The following SORCS3 variants were observed in gnomAD, a reference collection of about 807,000 sequenced individuals.
SORCS3 encodes sortilin related VPS10 domain containing receptor 3, also known as VPS10 domain-containing receptor SorCS3.
A neutral mutation model predicts 146.3 loss-of-function variants in SORCS3; 57 were observed. That is an observed-to-expected ratio of 0.39 (90% CI 0.31 to 0.49). The LOEUF is 0.49. Ranked by LOEUF, SORCS3 falls within the 20% of genes least tolerant of loss-of-function variation. The pLI, the probability that SORCS3 is intolerant of heterozygous loss-of-function variation, is 0.92. For synonymous variants in SORCS3, 653 were observed against 618.5 expected (o/e 1.06, Z -0.83); for missense variants, 1,341 against 1,575.5 (o/e 0.85, Z 2.52).
chr10:105,032,440 C>G (rs1042096570), intron 4 of SORCS3, among the ~76,000 whole-genome samples: 1 of 152,106 alleles, frequency 6.6e-6, no homozygotes. Context: ...ATATGAGTTT[C>G]TTTCCTTTTT....
At chr10:104,700,133 G>A (rs370935769) in intron 1 of SORCS3, among the ~76,000 whole-genome samples, 2 of 152,170 alleles carry the variant, frequency 1.3e-5, no homozygotes, top group South Asian at 2.1e-4. Flanking sequence ...CTGAGCCATC[G>A]GCATTCTGCT....
chr10:105,139,241 G>C (rs1177237335), intron 7 of SORCS3, among the ~76,000 whole-genome samples, 156 bp from the exon 8 acceptor site: 1 of 152,210 alleles, frequency 6.6e-6, no homozygotes, highest in African/African-American at 2.4e-5. Context: ...GAGCAACTCA[G>C]AGTGCCATGG....
At chr10:104,978,764 C>G (rs147655728) in intron 4 of SORCS3, among the ~76,000 whole-genome samples, 33 of 152,268 alleles carry the variant, frequency 2.2e-4, no homozygotes, top group Non-Finnish European at 4.3e-4. Flanking sequence ...TATGTTAATA[C>G]TACAACCTGA....
intron 14 of SORCS3, among the ~76,000 whole-genome samples, chr10:105,185,997 A>C (rs1167959077): frequency 1.3e-5 from 2 of 152,192 alleles, no homozygotes; most frequent in African/African-American, 4.8e-5. Context: ...TTGTCATGAT[A>C]TAAATATGCA....
chr10:104,977,302 C>T, intron 3 of SORCS3, 33 bp from the exon 4 acceptor site: 1 of 1,528,796 alleles, frequency 6.5e-7, no homozygotes. Context: ...CCTACTAACT[C>T]TGTCTGTATA....
chr10:105,222,502 G>GA (rs2056709965), intron 19 of SORCS3, among the ~76,000 whole-genome samples: 1 of 152,064 alleles, frequency 6.6e-6, no homozygotes, highest in Non-Finnish European at 1.5e-5. Flanking sequence ...TTTTCTGAGG[G>GA]AAAAAATAAG....
At chr10:104,854,806 A>G (rs376258039) in intron 2 of SORCS3, among the ~76,000 whole-genome samples, 2 of 152,210 alleles carry the variant, frequency 1.3e-5, no homozygotes, top group Non-Finnish European at 2.9e-5. Context: ...ATAGGGTCAT[A>G]CAGTATATAA....
chr10:104,937,834 A>G (rs1346576968), intron 3 of SORCS3, among the ~76,000 whole-genome samples: 2 of 152,186 alleles, frequency 1.3e-5, no homozygotes, highest in Non-Finnish European at 2.9e-5. Flanking sequence ...GCACTTCCAA[A>G]TGATGCTTCC....
chr10:105,136,031 A>G (rs1044544290), intron 7 of SORCS3, among the ~76,000 whole-genome samples: 9 of 152,288 alleles, frequency 5.9e-5, no homozygotes, highest in African/African-American at 2.2e-4. Context: ...AAAACTGTTC[A>G]TACACCTATT....
intron 1 of SORCS3, among the ~76,000 whole-genome samples, chr10:104,669,874 C>T (rs967699288): frequency 4.0e-5 from 6 of 151,106 alleles, no homozygotes; most frequent in Non-Finnish European, 7.4e-5. Flanking sequence ...AATTTCTCCA[C>T]GTCCTCACCA....
At chr10:104,719,633 C>A (rs1438766178) in intron 1 of SORCS3, among the ~76,000 whole-genome samples, 1 of 152,110 alleles carries the variant, frequency 6.6e-6, no homozygotes, top group Non-Finnish European at 1.5e-5. Flanking sequence ...TACCTGCCTC[C>A]AGGATTGTTT....
rs555855020 is a variant in SORCS3 at position 104,980,872 on chromosome 10, G to A, written c.954+3379G>A. 2.4e-4 allele frequency among the ~76,000 whole-genome samples: 36 copies of A among 152,286 alleles called. No homozygotes were observed. In the South Asian group the frequency reaches 7.5e-3, roughly 32 times the overall value. On this transcript the variant is annotated intron_variant, in intron 4 of 26. Coordinates refer to ENST00000369701, the MANE Select transcript of SORCS3 (RefSeq NM_014978.3). ...TGCTGGAGAATTAAAGAAATACCTT[G>A]TGGATAAAACAAAATTGCATCTAGA...
chr10:104,664,527 T>C (rs2015743916), intron 1 of SORCS3: 1 of 152,246 alleles, frequency 6.6e-6, no homozygotes, highest in Non-Finnish European at 1.5e-5. Context: ...AGCCATGTCC[T>C]GCTTATGTCA....
At chr10:105,083,623 G>A (rs955637240) in intron 5 of SORCS3, among the ~76,000 whole-genome samples, 5 of 152,024 alleles carry the variant, frequency 3.3e-5, no homozygotes, top group African/African-American at 1.2e-4. Flanking sequence ...CTTTTCTTCA[G>A]CCATGTTTAA....
chr10:104,746,176 A>G (rs1259507853), intron 1 of SORCS3, among the ~76,000 whole-genome samples: 1 of 148,180 alleles, frequency 6.7e-6, no homozygotes, highest in African/African-American at 2.5e-5. Context: ...TCGCTCTGTC[A>G]CCCAGGTTGG....
chr10:104,688,032 A>G (rs895057130), intron 1 of SORCS3, among the ~76,000 whole-genome samples: 1 of 152,250 alleles, frequency 6.6e-6, no homozygotes, highest in African/African-American at 2.4e-5. Flanking sequence ...CTTTGACCAT[A>G]AATCATAGCA....
At chr10:105,249,933 G>T (rs969141071) in intron 22 of SORCS3, among the ~76,000 whole-genome samples, 2 of 152,024 alleles carry the variant, frequency 1.3e-5, no homozygotes, top group African/African-American at 4.8e-5. Context: ...GAATGAGACT[G>T]TTATGTATGC....
chr10:105,009,463 G>C (rs1387775899), intron 4 of SORCS3, among the ~76,000 whole-genome samples: 1 of 141,492 alleles, frequency 7.1e-6, no homozygotes, highest in Non-Finnish European at 1.5e-5. Flanking sequence ...TTTTGCTGCA[G>C]AGAATAAAAG....
rs76879471 is a variant in SORCS3 at position 105,095,058 on chromosome 10, T to G, written c.1093+5219T>G. On this transcript the variant is annotated intron_variant, in intron 6 of 26. Transcript: ENST00000369701. Reference sequence around the variant, plus strand: ...TTTCCCCCAGCTGCAGTCTCACATATGGATGGTACCAATCAATCTCTGGTC... The same window carrying G: ...TTTCCCCCAGCTGCAGTCTCACATAGGGATGGTACCAATCAATCTCTGGTC... Among the ~76,000 whole-genome samples the G allele has an allele frequency of 6.5e-3, 995 of 152,298 alleles. 6 individuals are homozygous for G. The highest frequency in any genetic ancestry group is 0.021 in the African/African-American group (876 of 41,578).
Sources: allele counts gnomAD v4.1 joint callset (sites outside exome capture counted in the v4.1 genomes callset), GRCh38; gene constraint gnomAD v4.1.1; transcripts MANE v1.5; gene names NCBI Gene and HGNC (gene_info 2026-07-23, HGNC 2026-07-21).